Variants in ZNRF1 observed in about 807,000 individuals in gnomAD.
ZNRF1 encodes zinc and ring finger 1.
ZNRF1 carries 3 observed loss-of-function variants against 18.4 expected under a neutral mutation model. The observed-to-expected ratio is 0.16, with a 90% CI of 0.07 to 0.42. ZNRF1 has a LOEUF of 0.42. Among genes scored for constraint, ZNRF1 ranks in the 10% least tolerant of loss-of-function variants. The pLI, the probability that ZNRF1 is intolerant of heterozygous loss-of-function variation, is 0.99. For missense variants in ZNRF1, 310 were observed against 329.8 expected (o/e 0.94, Z 0.47); for synonymous variants, 157 against 144.2 (o/e 1.09, Z -0.64).
Position 75,105,041 on chromosome 16 carries a change from T to C in ZNRF1, c.626+152T>C, listed in dbSNP as rs536159048. On this transcript the variant is annotated intron_variant, in intron 3 of 4. Transcript: ENST00000335325. ...AAGGGCAGAGGCCATCAGACAGGTGTCCACTGTGCCGGCGGGAAGGTGCGA... is the reference window on the plus strand; with the variant it reads ...AAGGGCAGAGGCCATCAGACAGGTGCCCACTGTGCCGGCGGGAAGGTGCGA... 9.6e-5 allele frequency: 59 copies of C among 613,378 alleles called. No individual in the cohort carries two copies. In the East Asian group the frequency reaches 1.6e-3, roughly 17 times the overall value. 38.0% of individuals were successfully genotyped at this position (613,378 alleles called of 1,614,324 possible).
At chr16:75,030,487 TAGAA>T (rs1343318251) in intron 1 of ZNRF1, among the ~76,000 whole-genome samples, 1 of 152,048 alleles carries the variant, frequency 6.6e-6, no homozygotes. Flanking sequence ...ATAAAACTCT[TAGAA>T]GGAAATGTAG....
intron 1 of ZNRF1, among the ~76,000 whole-genome samples, chr16:75,048,746 G>C (rs2035549204): frequency 6.6e-6 from 1 of 152,146 alleles, no homozygotes; most frequent in East Asian, 1.9e-4. Context: ...ATGTCAGTCT[G>C]TCCGTGGCTT....
At chr16:75,000,135 G>T in intron 1 of ZNRF1, 40 bp downstream of exon 1, 1 of 1,572,496 alleles carries the variant, frequency 6.4e-7, no homozygotes, top group Non-Finnish European at 8.6e-7. Context: ...GGGAGGGCGC[G>T]CCGGGGCGCC....
rs575770276 is a variant in ZNRF1, at chr16:75,000,509, G to T, written c.424+414G>T. 78 of 340,718 alleles carry T rather than the reference G, an allele frequency of 2.3e-4. 2 individuals are homozygous for T. Among genetic ancestry groups the T allele is most frequent in the South Asian group, 1.8e-3 (74 of 41,984 alleles). The allele number at this position is 340,718 out of a possible 1,614,324, so 21.1% of individuals were successfully genotyped here. A position where few individuals can be genotyped will look rare whatever the true frequency, so the allele number is the denominator to read the frequency against. The stretch of plus-strand genomic sequence containing the variant: ...TGGAGCAAGCAGTGTCTCCTAAACA[G>T]AGTGTGTGAAAATGAAATAAAATCA... On this transcript the variant is annotated intron_variant, in intron 1 of 4. Transcript: ENST00000335325.
intron 4 of ZNRF1, chr16:75,107,491 T>C (rs573731296): frequency 2.4e-5 from 8 of 329,126 alleles, no homozygotes; most frequent in African/African-American, 1.5e-4. Context: ...GGACATTTGC[T>C]CTTTTTACCT....
At chr16:75,077,721 G>A (rs1273537489) in intron 1 of ZNRF1, among the ~76,000 whole-genome samples, 1 of 152,168 alleles carries the variant, frequency 6.6e-6, no homozygotes, top group Non-Finnish European at 1.5e-5. Context: ...TGTCTGCAGT[G>A]CTGTGCTGCT....
intron 1 of ZNRF1, among the ~76,000 whole-genome samples, chr16:75,074,385 C>A (rs913264255): frequency 1.3e-5 from 2 of 152,160 alleles, no homozygotes; most frequent in East Asian, 1.9e-4. Flanking sequence ...GAGGAGAGGG[C>A]ACAGTGCTGC....
chr16:75,010,112 A>C (rs1181028671), intron 1 of ZNRF1, among the ~76,000 whole-genome samples: 1 of 152,018 alleles, frequency 6.6e-6, no homozygotes, highest in Admixed American at 6.6e-5. Context: ...CCTCCAGAGT[A>C]GCTGGGATTA....
In ZNRF1 at chr16:75,073,434, A is replaced by G. The variant is rs544249572; in HGVS notation, c.425-20138A>G. On this transcript the variant is annotated intron_variant, in intron 1 of 4. Coordinates refer to ENST00000335325, the MANE Select transcript of ZNRF1 (RefSeq NM_032268.5). ...CTGTCTTGGTTTTATTCATTCATAC[A>G]TTGATCTGTTTTTTAATTCCTGTTG... Among the ~76,000 whole-genome samples the G allele has an allele frequency of 1.7e-3, 261 of 151,922 alleles. 17 individuals carry two copies. In the South Asian group the frequency reaches 0.051, roughly 30 times the overall value.
chr16:75,037,290 C>T (rs889203879), intron 1 of ZNRF1, among the ~76,000 whole-genome samples: 1 of 152,106 alleles, frequency 6.6e-6, no homozygotes, highest in African/African-American at 2.4e-5. Flanking sequence ...TTAAACAAGG[C>T]AGCCGGGAAG....
At chr16:75,084,201 C>T (rs1048862858) in intron 1 of ZNRF1, among the ~76,000 whole-genome samples, 11 of 152,192 alleles carry the variant, frequency 7.2e-5, no homozygotes, top group South Asian at 2.1e-4. Flanking sequence ...ATCACAAACC[C>T]ACCCTTAACT....
chr16:75,055,332 T>C (rs997322759), intron 1 of ZNRF1, among the ~76,000 whole-genome samples: 1 of 152,226 alleles, frequency 6.6e-6, no homozygotes, highest in African/African-American at 2.4e-5. Context: ...TACTAGAATT[T>C]AGAACCACTC....
intron 2 of ZNRF1, among the ~76,000 whole-genome samples, chr16:75,100,410 A>G (rs925542677): frequency 2.0e-5 from 3 of 151,330 alleles, no homozygotes; most frequent in African/African-American, 7.3e-5. Flanking sequence ...CCTTTCCCCT[A>G]GTGAGGTTCG....
chr16:75,107,082 A>T (rs538629227), intron 4 of ZNRF1: 1 of 167,568 alleles, frequency 6.0e-6, no homozygotes, highest in East Asian at 1.7e-4. Context: ...GCTTCTTCCC[A>T]TGCCGCTTCC....
intron 2 of ZNRF1, among the ~76,000 whole-genome samples, chr16:75,095,422 G>A (rs554880886): frequency 9.3e-4 from 142 of 152,130 alleles, no homozygotes; most frequent in Non-Finnish European, 1.7e-3. Flanking sequence ...CCTGTTCGCC[G>A]TCTCCGCTTG....
At chr16:75,056,320 G>T (rs2035667672) in intron 1 of ZNRF1, among the ~76,000 whole-genome samples, 1 of 152,202 alleles carries the variant, frequency 6.6e-6, no homozygotes, top group East Asian at 1.9e-4. Flanking sequence ...CTGGCCAGAG[G>T]CCCTGAAAGG....
chr16:75,068,277 T>C (rs1015724238), intron 1 of ZNRF1, among the ~76,000 whole-genome samples: 7 of 151,878 alleles, frequency 4.6e-5, no homozygotes, highest in Admixed American at 4.6e-4. Context: ...GATGGGAGGA[T>C]TGCTTAAGCC....
chr16:75,053,721 G>C (rs1387324109), intron 1 of ZNRF1, among the ~76,000 whole-genome samples: 1 of 151,946 alleles, frequency 6.6e-6, no homozygotes, highest in East Asian at 1.9e-4. Context: ...TAAATAAGCA[G>C]AGTGGACTCA....
At chr16:75,011,931 T>G (rs1408349492) in intron 1 of ZNRF1, among the ~76,000 whole-genome samples, 1 of 152,242 alleles carries the variant, frequency 6.6e-6, no homozygotes, top group Non-Finnish European at 1.5e-5. Flanking sequence ...TTGCTGTGGC[T>G]TTGGAAAACC....
Sources: gnomAD v4.1 joint callset for allele counts (sites outside exome capture counted in the v4.1 genomes callset) on GRCh38, gnomAD v4.1.1 for gene constraint, MANE v1.5 for transcripts, NCBI Gene and HGNC (gene_info 2026-07-23, HGNC 2026-07-21) for gene names.